The following MROH2A variants were observed in gnomAD, a reference collection of about 807,000 sequenced individuals.
MROH2A encodes the protein maestro heat-like repeat-containing protein family member 2A.
A neutral mutation model predicts 200.4 loss-of-function variants in MROH2A; 174 were observed. The observed-to-expected ratio is 0.87, with a 90% CI of 0.77 to 0.98. The LOEUF is 0.98. MROH2A is among the 50% of genes least tolerant of loss of function. The probability of loss-of-function intolerance (pLI) is 0.00; values close to 1 mark genes in which losing one functional copy is unlikely to be tolerated. For missense variants in MROH2A, 2,045 were observed against 2,139.6 expected, an observed-to-expected ratio of 0.96 and a Z score of 0.87; for synonymous variants, 829 against 840.4, an observed-to-expected ratio of 0.99 and a Z score of 0.23.
chr2:233,822,824 C>T, intron 33 of MROH2A, 57 bp from the exon 34 acceptor site: 1 of 1,538,990 alleles, frequency 6.5e-7, no homozygotes, highest in South Asian at 1.2e-5. Context: ...GCAGCAGCCT[C>T]CCCAGGCCAT....
rs1313104178 is a variant in MROH2A at position 233,822,871 on chromosome 2, C to T, written c.3867-10C>T. On this transcript the variant is annotated splice_polypyrimidine_tract_variant and intron_variant, in intron 33 of 41. Transcript: ENST00000389758. ...AGGGCAGCGCATCACAAGCTCCCAC[C>T]TCCCTTCAGGGTCACTATCAAGTCC... is the stretch of plus-strand genomic sequence containing the variant. 1 of 1,550,202 alleles carries T rather than the reference C, an allele frequency of 6.5e-7. No homozygotes were observed. The highest frequency in any genetic ancestry group is 1.2e-5 in the South Asian group (1 of 84,050).
chr2:233,787,567 ATT>A (rs1373132693), intron 3 of MROH2A, among the ~76,000 whole-genome samples: 13 of 63,548 alleles, frequency 2.0e-4, no homozygotes, highest in Non-Finnish European at 2.9e-4. Context: ...ATACATATAT[ATT>A]ATATATATCA....
Position 233,807,346 on chromosome 2 carries a change from A to G in MROH2A, c.2053-77A>G. 3 of 1,411,508 alleles carry G rather than the reference A, an allele frequency of 2.1e-6. No individual in the cohort carries two copies. The South Asian group carries it at 4.3e-5, about 20-fold the overall frequency. 87.4% of individuals were successfully genotyped at this position (1,411,508 alleles called of 1,614,324 possible). A position where few individuals can be genotyped will look rare whatever the true frequency, so the allele number is the denominator to read the frequency against. On this transcript the variant is annotated intron_variant, in intron 19 of 41. Transcript: ENST00000389758. This position sits in a 1 kb window ranked among gnomAD's most constrained non-coding sequence, Gnocchi z 4.3. Reference sequence around the variant, plus strand: ...TTAAAATAAATTGAAAAATACGTAGAAAACTCTCTACAACAGCACCCCCTG... The same window carrying G: ...TTAAAATAAATTGAAAAATACGTAGGAAACTCTCTACAACAGCACCCCCTG...
chr2:233,799,765 G>T lies in MROH2A; in HGVS notation c.1330-15G>T. ...CACCCCAACCCCCAGCATGTCCACG[G>T]TCCTGTCCCCTCAGGTGAGGATGGC... On this transcript the variant is annotated splice_polypyrimidine_tract_variant and intron_variant, in intron 12 of 41. Coordinates refer to ENST00000389758, the MANE Select transcript of MROH2A (RefSeq NM_001394639.1). 6.5e-7 allele frequency: 1 copy of T among 1,550,316 alleles called. No homozygotes were observed. Among genetic ancestry groups the T allele is most frequent in the Non-Finnish European group, 8.7e-7 (1 of 1,146,924 alleles).
In MROH2A at chr2:233,828,754, A is replaced by G. The variant is rs1022247090; in HGVS notation, c.4238A>G (p.Asn1413Ser). Residue 1413 changes from asparagine (N) to serine (S), a missense_variant, in exon 36 of 42, where the codon AAC (asparagine) becomes AGC (serine). Coordinates refer to ENST00000389758, the MANE Select transcript of MROH2A (RefSeq NM_001394639.1). The surrounding 1 kb of genome is among the most constrained non-coding windows in gnomAD (Gnocchi z 4.6). ...LRVLSLRALG[N>S]MALGAPKKVK... ...GTGCTGTCCCTGCGCGCCCTCGGCA[A>G]CATGGCCCTGGGCGCCCCCAAGAAG... The G allele has an allele frequency of 1.9e-6, 3 of 1,550,310 alleles. No homozygotes were observed. The highest frequency in any genetic ancestry group is 2.4e-5 in the South Asian group (2 of 84,048).
At chr2:233,794,304 C>G in intron 7 of MROH2A, 59 bp from the exon 8 acceptor site, 1 of 1,280,390 alleles carries the variant, frequency 7.8e-7, no homozygotes, top group Non-Finnish European at 1.1e-6. Context: ...GGGCTGAGGT[C>G]ACTGGCCTTG....
At position 233,823,604 on chromosome 2, in the gene MROH2A, G is replaced by A. The variant is rs766225614; in HGVS notation, c.4053G>A (p.Leu1351=). ...VEGHRQRLAE[L]VLRGMDSEVL... ...GCCACAGGCAGAGGCTGGCCGAGCT[G>A]GTGCTCAGGGGCATGGACTCAGAAG... The change falls in exon 35 of 42, where the codon CTG becomes CTA. Residue 1351 remains leucine, a synonymous_variant. Transcript: ENST00000389758. 6.5e-7 allele frequency: 1 copy of A among 1,550,334 alleles called. No homozygotes were observed. Among genetic ancestry groups the A allele is most frequent in the Non-Finnish European group, 8.7e-7 (1 of 1,146,978 alleles).
intron 14 of MROH2A, 59 bp from the exon 15 acceptor site, chr2:233,802,109 C>G (rs895850722): frequency 6.7e-7 from 1 of 1,496,814 alleles, no homozygotes; most frequent in Non-Finnish European, 9.0e-7. Context: ...GACTGTTCTC[C>G]TTAGAAGCCC....
rs566027044 is a variant in MROH2A at position 233,818,181 on chromosome 2, T to A, written c.3085+56T>A. The A allele has an allele frequency of 3.4e-5, 52 of 1,540,122 alleles. No individual in the cohort carries two copies. The South Asian group carries it at 5.9e-4, about 17-fold the overall frequency. ...CCTCTGGGAGGGAGAGAGGGCTGAC[T>A]CCAGGAGTATGGGCTGCGGCCTGCC... On this transcript the variant is annotated intron_variant, in intron 28 of 41. Transcript: ENST00000389758.
rs867511801 is a variant in MROH2A, at chr2:233,800,211, C to A, written c.1456C>A (p.Arg486Ser). The A allele has an allele frequency of 2.6e-6, 4 of 1,546,682 alleles. No individual in the cohort carries two copies. In the African/African-American group the frequency reaches 4.1e-5, roughly 16 times the overall value. The change falls in exon 14 of 42, where the codon CGC becomes AGC. Residue 486 changes from arginine (R) to serine (S), a missense_variant. Physicochemically the swap from Arg to Ser is moderately radical, Grantham distance 110 (BLOSUM62 -1). Around this residue, in one of 3 missense-constraint regions of MROH2A, gnomAD observed 831 missense variants for 800.0 expected, o/e 1.04. Transcript: ENST00000389758. ...LTLSTYKLTN[R>S]REKFYQRDLE... Reference sequence around the variant, plus strand: ...CCTTGGTTCTTTCTTCCAGACAAATCGCCGGGAGAAGTTTTATCAGAGGGA... The same window carrying A: ...CCTTGGTTCTTTCTTCCAGACAAATAGCCGGGAGAAGTTTTATCAGAGGGA...
At chr2:233,827,786 A>G (rs1028989622) in intron 35 of MROH2A, among the ~76,000 whole-genome samples, 2 of 147,858 alleles carry the variant, frequency 1.4e-5, no homozygotes, top group Admixed American at 1.4e-4. Context: ...AAATTCTTCA[A>G]ATTTGATAGG....
At chr2:233,784,890 C>A (rs1394868076) in intron 3 of MROH2A, among the ~76,000 whole-genome samples, 2 of 152,104 alleles carry the variant, frequency 1.3e-5, no homozygotes, top group Admixed American at 6.5e-5. Flanking sequence ...TGGCTCATGC[C>A]ACTTTGGGAG....
At chr2:233,806,792 A>AT (rs938348801) in intron 19 of MROH2A, among the ~76,000 whole-genome samples, 5 of 151,848 alleles carry the variant, frequency 3.3e-5, no homozygotes, top group African/African-American at 1.2e-4. Context: ...TATTTTATTT[A>AT]TTTTTTTGAA....
At chr2:233,797,227 C>T (rs568188592) in intron 11 of MROH2A, among the ~76,000 whole-genome samples, 8 of 152,324 alleles carry the variant, frequency 5.3e-5, no homozygotes, top group Non-Finnish European at 1.0e-4. Flanking sequence ...ACTTCAGTGA[C>T]AGAGATGTAA....
chr2:233,811,830 G>C (rs1327934442), intron 23 of MROH2A, 50 bp from the exon 24 acceptor site: 3 of 1,238,632 alleles, frequency 2.4e-6, no homozygotes, highest in Admixed American at 2.0e-5. Flanking sequence ...GGGGAGTGCT[G>C]CCGCCATCAT....
Position 233,786,054 on chromosome 2 carries a change from T to C in MROH2A, c.277-3443T>C, listed in dbSNP as rs995254766. On this transcript the variant is annotated intron_variant, in intron 3 of 41. Coordinates refer to ENST00000389758, the MANE Select transcript of MROH2A (RefSeq NM_001394639.1). ...CATGGGGTGGTTTCCCTCATACTGT[T>C]CTCATAGTAGTGAATAAGTCTCACG... Among the ~76,000 whole-genome samples the C allele has an allele frequency of 5.3e-5, 8 of 152,260 alleles. No individual in the cohort carries two copies. The South Asian group carries it at 1.7e-3, about 32-fold the overall frequency.
In MROH2A at chr2:233,828,810, G is replaced by A. The variant is rs181496274; in HGVS notation, c.4263+31G>A. On this transcript the variant is annotated intron_variant, in intron 36 of 41. Coordinates refer to ENST00000389758, the MANE Select transcript of MROH2A (RefSeq NM_001394639.1). This position sits in a 1 kb window ranked among gnomAD's most constrained non-coding sequence, Gnocchi z 4.6. ...GTGCCTGGCCCTGGGCCCAGGTCCC[G>A]GGAGCTGAGGGTGCAGGCCGGGTGC... The A allele has an allele frequency of 1.0e-5, 16 of 1,549,080 alleles. No individual in the cohort carries two copies. Among genetic ancestry groups the A allele is most frequent in the South Asian group, 7.1e-5 (6 of 83,978 alleles).
intron 12 of MROH2A, 88 bp from the exon 13 acceptor site, chr2:233,799,691 AC>A: frequency 6.7e-7 from 1 of 1,495,904 alleles, no homozygotes; most frequent in East Asian, 2.5e-5. Flanking sequence ...AGCCCAGAGC[AC>A]CCCCAATTCC....
At chr2:233,803,985 A>G in intron 16 of MROH2A, 66 bp from the exon 17 acceptor site, 7 of 1,526,286 alleles carry the variant, frequency 4.6e-6, no homozygotes, top group Non-Finnish European at 5.3e-6. Context: ...AAATGAGGAC[A>G]AAGAGCTCCA....
Sources: gnomAD v4.1 joint callset for allele counts (sites outside exome capture counted in the v4.1 genomes callset) on GRCh38, gnomAD v4.1.1 for gene constraint, gnomAD v4.1.1 regional missense constraint, Gnocchi (gnomAD v3.1) non-coding constraint, MANE v1.5 for transcripts, NCBI Gene and HGNC (gene_info 2026-07-23, HGNC 2026-07-21) for gene names.